The following SHISA6 variants were observed in gnomAD, a reference collection of about 807,000 sequenced individuals.
SHISA6 encodes shisa family member 6, also known as protein shisa-6.
Under a neutral mutation model 47.9 loss-of-function variants are expected in SHISA6, and 22 were observed. That is an observed-to-expected ratio of 0.46 (90% CI 0.33 to 0.66). The LOEUF (loss-of-function observed/expected upper bound fraction) is 0.66, where lower values mean the gene tolerates loss of function less well. Among genes scored for constraint, SHISA6 ranks in the 30% least tolerant of loss-of-function variants. The pLI is 0.02. For synonymous variants in SHISA6, 388 were observed against 337.8 expected, an observed-to-expected ratio of 1.15 and a Z score of -1.63; for missense variants, 680 against 764.6, an observed-to-expected ratio of 0.89 and a Z score of 1.30.
At chr17:11,423,678 T>A (rs1410302936) in intron 3 of SHISA6, among the ~76,000 whole-genome samples, 1 of 151,888 alleles carries the variant, frequency 6.6e-6, no homozygotes, top group Non-Finnish European at 1.5e-5. Context: ...AAAAGATCAG[T>A]TCACCATACA....
At chr17:11,458,060 G>T (rs1915594084) in intron 3 of SHISA6, among the ~76,000 whole-genome samples, 1 of 147,722 alleles carries the variant, frequency 6.8e-6, no homozygotes, top group Admixed American at 6.8e-5. Flanking sequence ...ACTCCAGCCT[G>T]GATGACATAG....
At chr17:11,363,135 T>A (rs1285288625) in intron 2 of SHISA6, among the ~76,000 whole-genome samples, 1 of 152,024 alleles carries the variant, frequency 6.6e-6, no homozygotes, top group South Asian at 2.1e-4. Flanking sequence ...CTGAACTCTT[T>A]CCACTCAACA....
At chr17:11,403,276 A>T (rs1222518558) in intron 3 of SHISA6, among the ~76,000 whole-genome samples, 1 of 152,224 alleles carries the variant, frequency 6.6e-6, no homozygotes, top group Non-Finnish European at 1.5e-5. Flanking sequence ...TTCAAAAGCC[A>T]TCAGGGAACA....
At chr17:11,404,209 A>C (rs1401888881) in intron 3 of SHISA6, among the ~76,000 whole-genome samples, 1 of 152,250 alleles carries the variant, frequency 6.6e-6, no homozygotes, top group South Asian at 2.1e-4. Flanking sequence ...AATTGCAAGA[A>C]AAATAACATA....
chr17:11,466,584 G>A lies in SHISA6; in HGVS notation c.896-85312G>A, dbSNP rs142732340. Among the ~76,000 whole-genome samples the A allele has an allele frequency of 1.4e-3, 206 of 152,218 alleles. 1 individual carries two copies. Among genetic ancestry groups the A allele is most frequent in the African/African-American group, 4.7e-3 (196 of 41,544 alleles). ...GTTCCCAAGTCACACTGCAGTTTAC[G>A]TCTCCATGTGCCTGTCCATAATTCA... On this transcript the variant is annotated intron_variant, in intron 3 of 5. Coordinates refer to ENST00000441885, the MANE Select transcript of SHISA6 (RefSeq NM_207386.4).
chr17:11,252,301 G>A (rs577140222), intron 1 of SHISA6, among the ~76,000 whole-genome samples: 1 of 152,150 alleles, frequency 6.6e-6, no homozygotes, highest in Admixed American at 6.5e-5. Flanking sequence ...ATTTGGTCTC[G>A]TGTACTGTTC....
intron 3 of SHISA6, among the ~76,000 whole-genome samples, chr17:11,461,964 C>T (rs1464280415): frequency 6.6e-6 from 1 of 152,134 alleles, no homozygotes; most frequent in Non-Finnish European, 1.5e-5. Context: ...TAATACAATC[C>T]TTTCCAAGGG....
At chr17:11,368,206 C>A (rs541933878) in intron 2 of SHISA6, among the ~76,000 whole-genome samples, 1 of 152,128 alleles carries the variant, frequency 6.6e-6, no homozygotes, top group African/African-American at 2.4e-5. Context: ...TGAAATTTCC[C>A]AGCATGTCAG....
chr17:11,319,889 T>C (rs1274738734), intron 2 of SHISA6, among the ~76,000 whole-genome samples: 1 of 152,220 alleles, frequency 6.6e-6, no homozygotes, highest in African/African-American at 2.4e-5. Context: ...ACTGCAGTGT[T>C]AAAAACAATT....
At chr17:11,473,058 C>A (rs1007750300) in intron 3 of SHISA6, among the ~76,000 whole-genome samples, 4 of 152,216 alleles carry the variant, frequency 2.6e-5, no homozygotes. Context: ...GTTAATAGTT[C>A]TTAATAAAAA....
chr17:11,493,283 A>G (rs1486277054), intron 3 of SHISA6, among the ~76,000 whole-genome samples: 1 of 151,726 alleles, frequency 6.6e-6, no homozygotes, highest in Non-Finnish European at 1.5e-5. Flanking sequence ...GCTGGAGTGC[A>G]GTGGTGCCAT....
chr17:11,452,221 C>T (rs11658629), intron 3 of SHISA6, among the ~76,000 whole-genome samples: 59,953 of 152,082 alleles, frequency 0.39, 11,964 homozygotes, highest in Middle Eastern at 0.53. Context: ...GTGCATAGCA[C>T]TGTTGCATGT....
chr17:11,407,491 T>G (rs551556092), intron 3 of SHISA6, among the ~76,000 whole-genome samples: 3 of 103,536 alleles, frequency 2.9e-5, no homozygotes, highest in Non-Finnish European at 6.6e-5. Context: ...GTTTAGCATA[T>G]TGTTTTTTTT....
At chr17:11,314,959 T>G (rs952580609) in intron 2 of SHISA6, among the ~76,000 whole-genome samples, 11 of 152,224 alleles carry the variant, frequency 7.2e-5, no homozygotes, top group Non-Finnish European at 4.4e-5. Context: ...CACTTCTCTT[T>G]ATGACTTCTA....
At chr17:11,314,273 A>G (rs1910432012) in intron 2 of SHISA6, among the ~76,000 whole-genome samples, 1 of 152,004 alleles carries the variant, frequency 6.6e-6, no homozygotes, top group Non-Finnish European at 1.5e-5. Context: ...GGGTTTGTTC[A>G]TTTTTTCCTT....
chr17:11,440,617 T>C (rs890185891), intron 3 of SHISA6, among the ~76,000 whole-genome samples: 12 of 147,008 alleles, frequency 8.2e-5, no homozygotes, highest in Admixed American at 1.4e-4. Context: ...CTCATCTACA[T>C]TGGATGATCC....
At chr17:11,354,830 C>T (rs978561208) in intron 2 of SHISA6, among the ~76,000 whole-genome samples, 8 of 152,070 alleles carry the variant, frequency 5.3e-5, no homozygotes, top group African/African-American at 1.2e-4. Flanking sequence ...TGAAATGTGA[C>T]GGAAGGCTCT....
At chr17:11,262,833 T>C (rs538115174) in intron 1 of SHISA6, among the ~76,000 whole-genome samples, 2 of 152,368 alleles carry the variant, frequency 1.3e-5, no homozygotes, top group South Asian at 4.1e-4. Flanking sequence ...TTTTTATCTT[T>C]TCATCTCTAT....
intron 2 of SHISA6, among the ~76,000 whole-genome samples, chr17:11,343,695 C>T (rs1381804355): frequency 1.3e-5 from 2 of 152,200 alleles, no homozygotes; most frequent in African/African-American, 4.8e-5. Context: ...CAAAAAGCTG[C>T]AGGGCAGAAA....
Sources: allele counts gnomAD v4.1 joint callset (sites outside exome capture counted in the v4.1 genomes callset), GRCh38; gene constraint gnomAD v4.1.1; transcripts MANE v1.5; gene names NCBI Gene and HGNC (gene_info 2026-07-23, HGNC 2026-07-21).